The following DOCK11 variants were observed in gnomAD, a reference collection of about 807,000 sequenced individuals.
DOCK11 encodes the protein dedicator of cytokinesis 11, also known as dedicator of cytokinesis protein 11.
A neutral mutation model predicts 169.1 loss-of-function variants in DOCK11; 70 were observed. That is an observed-to-expected ratio of 0.41 (90% CI 0.34 to 0.51). DOCK11 has a LOEUF of 0.51. Ranked by LOEUF, DOCK11 falls within the 20% of genes least tolerant of loss-of-function variation. DOCK11 has a pLI of 0.10. For synonymous variants in DOCK11, 529 were observed against 541.3 expected (o/e 0.98, Z 0.32); for missense variants, 1,166 against 1,538.8 (o/e 0.76, Z 4.05).
chrX:118,536,454 A>G (rs1202425399), intron 1 of DOCK11, among the ~76,000 whole-genome samples: 1 of 111,812 alleles, frequency 8.9e-6, no homozygotes, highest in Non-Finnish European at 1.9e-5. Context: ...CACTCTTGAC[A>G]GTTACCTAGT....
intron 12 of DOCK11, among the ~76,000 whole-genome samples, chrX:118,574,601 C>G (rs1368529904): frequency 9.0e-6 from 1 of 111,656 alleles, no homozygotes; most frequent in Non-Finnish European, 1.9e-5. Flanking sequence ...CACCCATAAA[C>G]ACACCTGCAC....
intron 42 of DOCK11, among the ~76,000 whole-genome samples, chrX:118,652,424 T>C (rs1411324600): frequency 9.0e-6 from 1 of 111,494 alleles, no homozygotes; most frequent in African/African-American, 3.3e-5. Flanking sequence ...GTCACCACTT[T>C]TAATATTGGT....
In DOCK11 at chrX:118,609,343, GATTAAGGTAAGTAA is replaced by G; in HGVS notation, c.2949+5_2949+18del. 8.5e-7 allele frequency: 1 copy of G among 1,173,030 alleles called. No individual in the cohort carries two copies. The highest frequency in any genetic ancestry group is 1.1e-6 in the Non-Finnish European group (1 of 870,209). ...CCACATACTTGTTGGAAGAGAATAA[GATTAAGGTAAGTAA>G]ATTAAGGTAAAGAATAACTTTCAAT... On this transcript the variant is annotated splice_donor_variant and splice_donor_5th_base_variant and coding_sequence_variant and intron_variant, in exon 27 of 53. Coordinates refer to ENST00000276202, the MANE Select transcript of DOCK11 (RefSeq NM_144658.4). LOFTEE classifies it high-confidence loss of function.
At chrX:118,572,149 CT>C (rs2013296186) in intron 10 of DOCK11, among the ~76,000 whole-genome samples, 173 bp from the exon 11 acceptor site, 1 of 112,152 alleles carries the variant, frequency 8.9e-6, no homozygotes, top group African/African-American at 3.2e-5. Flanking sequence ...TTCTCCATCA[CT>C]GTTTAACCTT....
At chrX:118,612,037 T>C (rs2014696834) in intron 28 of DOCK11, among the ~76,000 whole-genome samples, 1 of 112,265 alleles carries the variant, frequency 8.9e-6, no homozygotes, top group African/African-American at 3.2e-5. Context: ...ACAACAATAT[T>C]TGATGTGTGG....
At position 118,580,154 on chromosome X, in the gene DOCK11, A is replaced by G. The variant is rs748981788; in HGVS notation, c.1570A>G (p.Arg524Gly). 1 of 1,209,448 alleles carries G rather than the reference A, an allele frequency of 8.3e-7. No individual in the cohort carries two copies. Among genetic ancestry groups the G allele is most frequent in the Non-Finnish European group, 1.1e-6 (1 of 894,482 alleles). ...AGTGTGTAGCCGCCTTGGACAATAC[A>G]GAATGCCCTTCGCTTGGGCTGCCAG... ...KQVCSRLGQY[R>G]MPFAWAARPI... Residue 524 changes from arginine to glycine, a missense_variant, in exon 14 of 53, where the codon AGA (arginine) becomes GGA (glycine). Transcript: ENST00000276202.
chrX:118,551,751 T>A (rs1411078335), intron 6 of DOCK11, among the ~76,000 whole-genome samples: 1 of 111,545 alleles, frequency 9.0e-6, no homozygotes, highest in Non-Finnish European at 1.9e-5. Flanking sequence ...ATGCGCAACT[T>A]TAAACTGATC....
Position 118,538,056 on chromosome X carries a change from A to G in DOCK11, c.103-4669A>G, listed in dbSNP as rs140629172. Among the ~76,000 whole-genome samples, 652 of 112,332 alleles carry G rather than the reference A, an allele frequency of 5.8e-3. 7 individuals are homozygous for G. The highest frequency in any genetic ancestry group is 0.02 in the African/African-American group (609 of 30,964). ...ATTTTACTAGAGATAGAAAAATGCA[A>G]TTTATTCTCCTTTATGGGATGATAT... is the stretch of plus-strand genomic sequence containing the variant. On this transcript the variant is annotated intron_variant, in intron 1 of 52. Transcript: ENST00000276202.
intron 19 of DOCK11, among the ~76,000 whole-genome samples, chrX:118,592,441 G>C (rs1482747443): frequency 9.0e-6 from 1 of 111,546 alleles, no homozygotes; most frequent in African/African-American, 3.3e-5. Flanking sequence ...CTTTTGAGAA[G>C]TGTCAATGAA....
intron 36 of DOCK11, 22 bp from the exon 37 acceptor site, chrX:118,638,058 A>C (rs374616160): frequency 9.4e-6 from 11 of 1,166,647 alleles, no homozygotes; most frequent in Non-Finnish European, 1.1e-5. Flanking sequence ...TATTACTAAC[A>C]TGCTATTGTT....
intron 52 of DOCK11, among the ~76,000 whole-genome samples, chrX:118,684,415 G>C (rs765552659): frequency 9.2e-6 from 1 of 108,211 alleles, no homozygotes; most frequent in South Asian, 4.1e-4. Flanking sequence ...TGGGACTACA[G>C]GCACGTGCCA....
chrX:118,624,833 A>T, intron 32 of DOCK11, among the ~76,000 whole-genome samples, 178 bp downstream of exon 32: 1 of 97,824 alleles, frequency 1.0e-5, no homozygotes, highest in Non-Finnish European at 2.0e-5. Context: ...ATCATAGTTC[A>T]CTGTAGTCTC....
intron 1 of DOCK11, among the ~76,000 whole-genome samples, chrX:118,514,042 T>G (rs938880506): frequency 9.0e-6 from 1 of 111,306 alleles, no homozygotes; most frequent in Non-Finnish European, 1.9e-5. Context: ...TGGGAACAAG[T>G]GGAGGTAATT....
intron 4 of DOCK11, among the ~76,000 whole-genome samples, chrX:118,544,159 G>A (rs964950552): frequency 3.6e-5 from 4 of 112,137 alleles, no homozygotes; most frequent in African/African-American, 1.3e-4. Context: ...GCTGATGATG[G>A]ATAATGTAGT....
chrX:118,670,220 C>T (rs764370178), intron 45 of DOCK11, among the ~76,000 whole-genome samples: 3 of 111,532 alleles, frequency 2.7e-5, no homozygotes, highest in Non-Finnish European at 3.8e-5. Flanking sequence ...AAGATGAATT[C>T]GATTTTCTAA....
intron 1 of DOCK11, among the ~76,000 whole-genome samples, chrX:118,529,283 C>A (rs1196681640): frequency 1.8e-5 from 2 of 112,211 alleles, no homozygotes; most frequent in Non-Finnish European, 3.8e-5. Context: ...CGCCCGACCA[C>A]CCATACTATT....
At chrX:118,624,403 G>A (rs1184229198) in intron 31 of DOCK11, 136 bp from the exon 32 acceptor site, 2 of 433,979 alleles carry the variant, frequency 4.6e-6, no homozygotes, top group Non-Finnish European at 8.0e-6. Flanking sequence ...TAAGTATAAA[G>A]AGATTCATGC....
At chrX:118,590,411 T>C (rs2013954487) in intron 19 of DOCK11, 109 bp downstream of exon 19, 1 of 652,905 alleles carries the variant, frequency 1.5e-6, no homozygotes, top group African/African-American at 2.2e-5. Context: ...AGTGTTTTGT[T>C]CCATGAAAAC....
intron 6 of DOCK11, among the ~76,000 whole-genome samples, chrX:118,552,037 CAAA>C (rs60335385): frequency 2.7e-5 from 2 of 75,385 alleles, no homozygotes; most frequent in Non-Finnish European, 2.4e-5. Flanking sequence ...CACTCTGTCT[CAAA>C]AAAAAAAAAA....
Sources: allele counts gnomAD v4.1 joint callset (sites outside exome capture counted in the v4.1 genomes callset), GRCh38; gene constraint gnomAD v4.1.1; transcripts MANE v1.5; gene names NCBI Gene and HGNC (gene_info 2026-07-23, HGNC 2026-07-21).